The following CTNNA3 variants were observed in gnomAD, a reference collection of about 807,000 sequenced individuals.
CTNNA3 encodes catenin alpha-3.
In CTNNA3, 76 loss-of-function variants were observed where a neutral mutation model predicts 95.7. The observed-to-expected ratio is 0.79, with a 90% CI of 0.66 to 0.96. The LOEUF (loss-of-function observed/expected upper bound fraction) is 0.96, where lower values mean the gene tolerates loss of function less well. Ranked by LOEUF, CTNNA3 falls within the 40% of genes least tolerant of loss-of-function variation. The pLI, the probability that CTNNA3 is intolerant of heterozygous loss-of-function variation, is 0.00. For synonymous variants in CTNNA3, 431 were observed against 374.4 expected (o/e 1.15, Z -1.74); for missense variants, 1,191 against 1,089.8 (o/e 1.09, Z -1.31).
At chr10:66,825,429 C>T (rs1044146888) in intron 7 of CTNNA3, among the ~76,000 whole-genome samples, 1 of 151,554 alleles carries the variant, frequency 6.6e-6, no homozygotes, top group African/African-American at 2.4e-5. Flanking sequence ...CTGTGCGCCA[C>T]CACACCCGGC....
intron 1 of CTNNA3, among the ~76,000 whole-genome samples, chr10:67,727,160 T>C (rs1444937258): frequency 8.2e-6 from 1 of 122,478 alleles, no homozygotes; most frequent in African/African-American, 3.2e-5. Flanking sequence ...TATAATTATA[T>C]ATAATATATG....
intron 13 of CTNNA3, among the ~76,000 whole-genome samples, chr10:66,155,361 G>A (rs759421243): frequency 2.6e-5 from 4 of 151,702 alleles, no homozygotes; most frequent in Non-Finnish European, 5.9e-5. Flanking sequence ...CTACTCAACT[G>A]GAAAATCAGT....
At chr10:66,726,087 T>C (rs1422067532) in intron 9 of CTNNA3, among the ~76,000 whole-genome samples, 1 of 152,094 alleles carries the variant, frequency 6.6e-6, no homozygotes, top group Admixed American at 6.6e-5. Context: ...AAAATATGTA[T>C]GTTAATACCC....
intron 5 of CTNNA3, among the ~76,000 whole-genome samples, chr10:67,297,526 A>G (rs977433392): frequency 7.2e-5 from 11 of 152,214 alleles, no homozygotes; most frequent in Non-Finnish European, 1.5e-4. Flanking sequence ...TATACTATGC[A>G]ATCCATCCAT....
At chr10:67,076,261 A>T (rs1213921767) in intron 7 of CTNNA3, among the ~76,000 whole-genome samples, 1 of 152,242 alleles carries the variant, frequency 6.6e-6, no homozygotes, top group Non-Finnish European at 1.5e-5. Flanking sequence ...ATTAATGCTA[A>T]CTTTTCACTG....
At chr10:66,210,899 C>T (rs766148134) in intron 13 of CTNNA3, among the ~76,000 whole-genome samples, 11 of 152,114 alleles carry the variant, frequency 7.2e-5, no homozygotes, top group African/African-American at 1.2e-4. Flanking sequence ...ATATAGAAAG[C>T]CACAGTTCTT....
At chr10:66,375,995 A>G (rs2092794231) in intron 12 of CTNNA3, among the ~76,000 whole-genome samples, 1 of 152,162 alleles carries the variant, frequency 6.6e-6, no homozygotes, top group Non-Finnish European at 1.5e-5. Context: ...TCTTGGTCAG[A>G]TTCATTTATG....
At chr10:67,739,916 G>A (rs1393272232) in intron 1 of CTNNA3, among the ~76,000 whole-genome samples, 1 of 152,068 alleles carries the variant, frequency 6.6e-6, no homozygotes, top group Admixed American at 6.6e-5. Flanking sequence ...TATACTACAA[G>A]GCTACAGTAA....
Position 66,402,911 on chromosome 10 carries a change from A to G in CTNNA3, c.1532-23559T>C, listed in dbSNP as rs77317821. Among the ~76,000 whole-genome samples, 411 of 152,200 alleles carry G rather than the reference A, an allele frequency of 2.7e-3. 2 individuals are homozygous for G. The highest frequency in any genetic ancestry group is 9.6e-3 in the African/African-American group (400 of 41,560). On this transcript the variant is annotated intron_variant, in intron 11 of 17. Coordinates refer to ENST00000433211, the MANE Select transcript of CTNNA3 (RefSeq NM_013266.4). ...AAGTGAAGACTGAACTTTAATCATC[A>G]TATTTGTTCCAAGTTTTTTCCCGAG...
At chr10:67,065,938 CAA>C (rs10714806) in intron 7 of CTNNA3, among the ~76,000 whole-genome samples, 133 of 148,062 alleles carry the variant, frequency 9.0e-4, no homozygotes, top group Admixed American at 2.6e-3. Context: ...GGCTGCCATT[CAA>C]AAAAAAAAAA....
intron 7 of CTNNA3, among the ~76,000 whole-genome samples, chr10:66,918,752 C>T (rs929307098): frequency 5.9e-5 from 9 of 152,016 alleles, no homozygotes; most frequent in African/African-American, 2.2e-4. Context: ...TATAATAATG[C>T]TAGATGGTTA....
intron 13 of CTNNA3, among the ~76,000 whole-genome samples, chr10:66,211,129 G>C (rs998320149): frequency 1.3e-5 from 2 of 152,082 alleles, no homozygotes; most frequent in Non-Finnish European, 2.9e-5. Context: ...GCTTCCAAAC[G>C]GCAGCACAGT....
intron 1 of CTNNA3, among the ~76,000 whole-genome samples, chr10:67,747,798 A>T (rs1056823346): frequency 1.3e-5 from 2 of 152,240 alleles, no homozygotes; most frequent in Non-Finnish European, 2.9e-5. Context: ...GAAGGTGGGT[A>T]ATAACAAACT....
intron 7 of CTNNA3, among the ~76,000 whole-genome samples, chr10:66,831,300 A>G (rs569766940): frequency 1.3e-4 from 20 of 152,252 alleles, no homozygotes; most frequent in African/African-American, 4.6e-4. Context: ...TGATCCTTCA[A>G]TCCCATTTCT....
chr10:66,869,727 C>G (rs983207003), intron 7 of CTNNA3, among the ~76,000 whole-genome samples: 1 of 152,044 alleles, frequency 6.6e-6, no homozygotes, highest in South Asian at 2.1e-4. Context: ...GATTAGAGAA[C>G]AAGTACATAC....
Position 66,297,332 on chromosome 10 carries a change from G to T in CTNNA3, c.1733-16711C>A, listed in dbSNP as rs10997043. ...CAAGCCGGGCATAAATGCTGAGACA[G>T]AATAATAAATAAAATAACAATTTAA... On this transcript the variant is annotated intron_variant, in intron 12 of 17. Coordinates refer to ENST00000433211, the MANE Select transcript of CTNNA3 (RefSeq NM_013266.4). Among the ~76,000 whole-genome samples the T allele has an allele frequency of 8.1e-3, 1,239 of 152,034 alleles. 20 individuals carry two copies. The highest frequency in any genetic ancestry group is 0.029 in the African/African-American group (1,183 of 41,454).
At chr10:65,954,149 T>C (rs1050926762) in intron 17 of CTNNA3, among the ~76,000 whole-genome samples, 3 of 152,370 alleles carry the variant, frequency 2.0e-5, no homozygotes, top group African/African-American at 7.2e-5. Context: ...ATGATGAATA[T>C]TTTTTCATGT....
chr10:67,017,752 TGC>T (rs1491269527), intron 7 of CTNNA3, among the ~76,000 whole-genome samples: 47 of 145,924 alleles, frequency 3.2e-4, no homozygotes, highest in East Asian at 1.4e-3. Flanking sequence ...TGTGTGTGTG[TGC>T]GCGCGTACAA....
chr10:66,350,024 T>C lies in CTNNA3; in HGVS notation c.1732+29128A>G, dbSNP rs141565004. Among the ~76,000 whole-genome samples the C allele has an allele frequency of 1.4e-3, 218 of 152,192 alleles. 1 individual carries two copies. The highest frequency in any genetic ancestry group is 4.7e-3 in the African/African-American group (197 of 41,550). ...CACAGGAATCACATTTCCTCTATTA[T>C]AGCAACGTAACACATTGGTGATATA... On this transcript the variant is annotated intron_variant, in intron 12 of 17. Transcript: ENST00000433211.
Sources: allele counts gnomAD v4.1 joint callset (sites outside exome capture counted in the v4.1 genomes callset), GRCh38; gene constraint gnomAD v4.1.1; transcripts MANE v1.5; gene names NCBI Gene and HGNC (gene_info 2026-07-23, HGNC 2026-07-21).